AXDND1: variants seen among roughly 807,000 people sequenced by gnomAD.
AXDND1 encodes axonemal dynein light chain domain-containing protein 1.
AXDND1 carries 110 observed loss-of-function variants against 137.5 expected under a neutral mutation model. That is an observed-to-expected ratio of 0.80 (90% CI 0.69 to 0.94). AXDND1 has a LOEUF of 0.94. AXDND1 is among the 40% of genes least tolerant of loss of function. The probability of loss-of-function intolerance (pLI) is 0.00; values close to 1 mark genes in which losing one functional copy is unlikely to be tolerated. For missense variants in AXDND1, 1,191 were observed against 1,169.8 expected, an observed-to-expected ratio of 1.02 and a Z score of -0.26; for synonymous variants, 414 against 399.7, an observed-to-expected ratio of 1.04 and a Z score of -0.43.
At chr1:179,551,539 T>G in intron 25 of AXDND1, 1 of 1,490,468 alleles carries the variant, frequency 6.7e-7, no homozygotes, top group Non-Finnish European at 9.3e-7. Flanking sequence ...AGACAAGCAC[T>G]GAGCATCTAC....
chr1:179,496,987 A>G (rs1667507858), intron 20 of AXDND1, among the ~76,000 whole-genome samples: 1 of 152,078 alleles, frequency 6.6e-6, no homozygotes, highest in South Asian at 2.1e-4. Flanking sequence ...TAGTTCCCAA[A>G]TATTTGAGTA....
intron 22 of AXDND1, 125 bp downstream of exon 22, chr1:179,525,572 CT>C (rs1231515500): frequency 8.6e-7 from 1 of 1,164,688 alleles, no homozygotes; most frequent in Non-Finnish European, 1.1e-6. Flanking sequence ...TCATAGCTCA[CT>C]GTAACCTCGA....
At chr1:179,400,935 A>C (rs555487259) in intron 11 of AXDND1, among the ~76,000 whole-genome samples, 2 of 149,672 alleles carry the variant, frequency 1.3e-5, no homozygotes, top group Non-Finnish European at 3.0e-5. Context: ...AAAGAAAAAA[A>C]AAAGGACACA....
intron 16 of AXDND1, chr1:179,452,015 G>A (rs1660613144): frequency 6.6e-6 from 1 of 152,650 alleles, no homozygotes; most frequent in South Asian, 2.1e-4. Context: ...GGTTTGGAGG[G>A]CTTAGAAGAA....
chr1:179,375,831 T>C (rs943341213), intron 4 of AXDND1, among the ~76,000 whole-genome samples: 3 of 152,134 alleles, frequency 2.0e-5, no homozygotes, highest in African/African-American at 7.2e-5. Flanking sequence ...CTAACATTTT[T>C]CCCCTGTACA....
At chr1:179,377,397 T>G (rs1353117779) in intron 4 of AXDND1, among the ~76,000 whole-genome samples, 3 of 152,190 alleles carry the variant, frequency 2.0e-5, no homozygotes, top group Non-Finnish European at 4.4e-5. Flanking sequence ...GTAAATACAT[T>G]TGGAGTTTAT....
At chr1:179,552,448 C>T in intron 25 of AXDND1, 2 of 683,360 alleles carry the variant, frequency 2.9e-6, no homozygotes, top group Non-Finnish European at 5.3e-6. Flanking sequence ...GGACTATTAA[C>T]ACACTTTAAG....
At chr1:179,552,277 G>A in intron 25 of AXDND1, 1 of 401,268 alleles carries the variant, frequency 2.5e-6, no homozygotes, top group Admixed American at 3.6e-5. Context: ...AGAAGTTAGG[G>A]TGACTACGAT....
chr1:179,539,570 G>T (rs1188642906), intron 25 of AXDND1, among the ~76,000 whole-genome samples: 1 of 152,148 alleles, frequency 6.6e-6, no homozygotes, highest in Non-Finnish European at 1.5e-5. Flanking sequence ...CTGTTAGTCT[G>T]ATGTGCTTCC....
chr1:179,375,143 G>A (rs1479881301), intron 4 of AXDND1, among the ~76,000 whole-genome samples: 3 of 151,876 alleles, frequency 2.0e-5, no homozygotes, highest in Non-Finnish European at 4.4e-5. Flanking sequence ...CTGTCATCCA[G>A]GCTGGAGTGT....
chr1:179,506,583 T>G (rs1668555384), intron 20 of AXDND1, among the ~76,000 whole-genome samples: 1 of 152,028 alleles, frequency 6.6e-6, no homozygotes, highest in Non-Finnish European at 1.5e-5. Context: ...AATTCAAAAA[T>G]TAGCCGGGCA....
chr1:179,510,728 A>G (rs1263137031), intron 21 of AXDND1, among the ~76,000 whole-genome samples: 1 of 152,196 alleles, frequency 6.6e-6, no homozygotes, highest in Non-Finnish European at 1.5e-5. Flanking sequence ...TTAACCTTGC[A>G]TGAATCTGAC....
At chr1:179,382,582 A>G in intron 6 of AXDND1, 118 bp from the exon 7 acceptor site, 1 of 664,090 alleles carries the variant, frequency 1.5e-6, no homozygotes, top group Non-Finnish European at 2.6e-6. Context: ...AGCAGTACTC[A>G]TTCCTTTTAG....
chr1:179,421,367 C>CTTTTTTTTTTTTTTTTTTTTTTTT (rs199703017), intron 12 of AXDND1, among the ~76,000 whole-genome samples: 2 of 107,212 alleles, frequency 1.9e-5, no homozygotes, highest in African/African-American at 4.1e-5. Flanking sequence ...TTTTCTTTTC[C>CTTTTTTTTTTTTTTTTTTTTTTTT]TTTTTTTTTT....
At chr1:179,552,509 C>T (rs1673434949) in intron 25 of AXDND1, 5 of 955,856 alleles carry the variant, frequency 5.2e-6, no homozygotes, top group Admixed American at 2.0e-5. Flanking sequence ...CTGCCCAGTG[C>T]CTAATGAATG....
At chr1:179,383,325 G>A in intron 7 of AXDND1, 117 bp from the exon 8 acceptor site, 1 of 718,080 alleles carries the variant, frequency 1.4e-6, no homozygotes. Flanking sequence ...TGCTTAAAAT[G>A]CCATTAATAT....
chr1:179,506,593 A>G (rs1366257108), intron 20 of AXDND1, among the ~76,000 whole-genome samples: 4 of 152,134 alleles, frequency 2.6e-5, no homozygotes, highest in African/African-American at 7.2e-5. Flanking sequence ...TTAGCCGGGC[A>G]TGGTGGCATG....
At chr1:179,485,480 C>CT (rs1272320417) in intron 18 of AXDND1, among the ~76,000 whole-genome samples, 1 of 152,122 alleles carries the variant, frequency 6.6e-6, no homozygotes, top group East Asian at 1.9e-4. Context: ...CTGAACCCAA[C>CT]TTATACCTGA....
intron 11 of AXDND1, among the ~76,000 whole-genome samples, chr1:179,404,636 A>C (rs4625244): frequency 0.29 from 44,473 of 152,100 alleles, 6,715 homozygotes; most frequent in Non-Finnish European, 0.31. Context: ...TCTTTTTGAT[A>C]TGTTGTTGGA....
Sources: gnomAD v4.1 joint callset for allele counts (sites outside exome capture counted in the v4.1 genomes callset) on GRCh38, gnomAD v4.1.1 for gene constraint, MANE v1.5 for transcripts, NCBI Gene and HGNC (gene_info 2026-07-23, HGNC 2026-07-21) for gene names.